Variants in INF2 observed in about 807,000 individuals in gnomAD.
INF2 encodes the protein inverted formin 2.
A neutral mutation model predicts 123.5 loss-of-function variants in INF2; 43 were observed. That is an observed-to-expected ratio of 0.35 (90% CI 0.27 to 0.45). The LOEUF (loss-of-function observed/expected upper bound fraction) is 0.45. Ranked by LOEUF, INF2 falls within the 20% of genes least tolerant of loss-of-function variation. INF2 has a pLI of 1.00. For missense variants in INF2, 1,453 were observed against 1,682.7 expected, an observed-to-expected ratio of 0.86 and a Z score of 2.39; for synonymous variants, 851 against 745.0, an observed-to-expected ratio of 1.14 and a Z score of -2.32.
chr14:104,692,004 A>C (rs1888975735), intron 1 of INF2, among the ~76,000 whole-genome samples: 1 of 152,166 alleles, frequency 6.6e-6, no homozygotes, highest in Admixed American at 6.5e-5. Context: ...CCTCTCTCAC[A>C]GCCCTTTCTA....
chr14:104,705,662 G>A (rs1889748418), intron 5 of INF2, among the ~76,000 whole-genome samples: 1 of 152,156 alleles, frequency 6.6e-6, no homozygotes, highest in South Asian at 2.1e-4. Context: ...CTGTAGTCAC[G>A]CAGCGCCCAG....
At chr14:104,689,863 G>A (rs1888851136) in intron 1 of INF2, 124 bp downstream of exon 1, 1 of 535,402 alleles carries the variant, frequency 1.9e-6, no homozygotes, top group African/African-American at 2.0e-5. Flanking sequence ...AGGTGGCGGC[G>A]GGCGGTCCGG....
chr14:104,707,640 C>G lies in INF2; in HGVS notation c.1373C>G (p.Pro458Arg). The change falls in exon 8 of 23, where the codon CCC becomes CGC. Residue 458 changes from proline (P) to arginine (R), a missense_variant. Coordinates refer to ENST00000392634, the MANE Select transcript of INF2 (RefSeq NM_022489.4). ...SVGAKALPTA[P>R]PPPPLPGLGA... is the part of the protein sequence containing the mutation. ...GGGGCTAAGGCCCTCCCAACAGCAC[C>G]CCCGCCCCCACCCCTGCCAGGCCTG... The G allele has an allele frequency of 1.0e-6, 1 of 967,464 alleles. No individual in the cohort carries two copies. The highest frequency in any genetic ancestry group is 1.5e-6 in the Non-Finnish European group (1 of 652,662). 59.9% of individuals were successfully genotyped at this position (967,464 alleles called of 1,614,324 possible).
upstream of INF2, among the ~76,000 whole-genome samples, chr14:104,686,195 G>T (rs1439799420): frequency 6.6e-6 from 1 of 151,390 alleles, no homozygotes; most frequent in Non-Finnish European, 1.5e-5. Context: ...AGGTGGGTAG[G>T]TGGATGGGTG....
chr14:104,697,180 G>C (rs1240081114), intron 1 of INF2, among the ~76,000 whole-genome samples: 1 of 152,234 alleles, frequency 6.6e-6, no homozygotes, highest in African/African-American at 2.4e-5. Context: ...ATGTCACAGC[G>C]GGGGCCTCCA....
Position 104,707,795 on chromosome 14 carries a change from A to G in INF2, c.1528A>G (p.Met510Val). The change falls in exon 8 of 23, where the codon ATG (methionine) becomes GTG (valine). Residue 510 changes from methionine to valine, a missense_variant. This residue lies in a region of INF2 where 374 missense variants were observed against 303.7 expected (regional missense o/e 1.23). Coordinates refer to ENST00000392634, the MANE Select transcript of INF2 (RefSeq NM_022489.4). ...CCCACCCCCACCCCTGCTGCCTGGT[A>G]TGGGCTGGGGCCCTCCTCCACCCCC... ...PPPPPPLLPG[M>V]GWGPPPPPPP... The G allele has an allele frequency of 7.5e-6, 6 of 795,400 alleles. No individual in the cohort carries two copies. Among genetic ancestry groups the G allele is most frequent in the Non-Finnish European group, 9.5e-6 (5 of 526,096 alleles). The allele number at this position is 795,400 out of a possible 1,614,324, so 49.3% of individuals were successfully genotyped here. A position where few individuals can be genotyped will look rare whatever the true frequency, so the allele number is the denominator to read the frequency against.
Position 104,703,419 on chromosome 14 carries a change from TGC to T in INF2, c.641_642del (p.Arg214HisfsTer38), listed in dbSNP as rs1186292917. The T allele has an allele frequency of 1.2e-6, 2 of 1,612,810 alleles. No homozygotes were observed. Among genetic ancestry groups the T allele is most frequent in the Non-Finnish European group, 1.7e-6 (2 of 1,179,926 alleles). ...GCCGTCATCTTGGGCCCCGAGGACC[TGC>T]GCGCGCGCACCCAGCTGCGGAACGA... On this transcript the variant is annotated frameshift_variant, in exon 4 of 23. Transcript: ENST00000392634. LOFTEE classifies it high-confidence loss of function.
rs143122420 is a variant in INF2, at chr14:104,698,954, C to A, written c.-9-2403C>A. On this transcript the variant is annotated intron_variant, in intron 1 of 22. Transcript: ENST00000392634. ...GCACCCAGGCACGGGGGTATAGGAA[C>A]CTGATGGGCAGGAGGGCCAGTTTCC... 6.5e-3 allele frequency among the ~76,000 whole-genome samples: 992 copies of A among 152,308 alleles called. 15 individuals are homozygous for A. The highest frequency in any genetic ancestry group is 0.023 in the African/African-American group (946 of 41,572).
At position 104,711,649 on chromosome 14, in the gene INF2, C is replaced by A; in HGVS notation, c.2439C>A (p.Pro813=). 1 of 1,612,490 alleles carries A rather than the reference C, an allele frequency of 6.2e-7. No homozygotes were observed. The highest frequency in any genetic ancestry group is 8.5e-7 in the Non-Finnish European group (1 of 1,179,712). ...HVLEEAEKSH[P]DLLQLPRDLE... ...TGCAGGAAGCGGAAAAGAGCCACCCCGACCTCCTGCAGCTGCCCCGGGACC... is the reference window on the plus strand; with the variant it reads ...TGCAGGAAGCGGAAAAGAGCCACCCAGACCTCCTGCAGCTGCCCCGGGACC... The change falls in exon 16 of 23, where the codon CCC becomes CCA. Residue 813 remains proline, a synonymous_variant. Coordinates refer to ENST00000392634, the MANE Select transcript of INF2 (RefSeq NM_022489.4).
At chr14:104,697,641 G>T (rs1220795293) in intron 1 of INF2, among the ~76,000 whole-genome samples, 2 of 152,240 alleles carry the variant, frequency 1.3e-5, no homozygotes. Flanking sequence ...GGATGGAGGT[G>T]CTGGCATCAC....
chr14:104,714,999 A>G (rs1890228133), intron 21 of INF2, 143 bp downstream of exon 21: 2 of 930,558 alleles, frequency 2.1e-6, no homozygotes, highest in Non-Finnish European at 3.1e-6. Flanking sequence ...AGGAGGCGGC[A>G]GTGCGTCCAC....
intron 1 of INF2, among the ~76,000 whole-genome samples, chr14:104,683,037 C>T (rs78865635): frequency 0.016 from 2,181 of 136,826 alleles, 63 homozygotes; most frequent in African/African-American, 0.059. Context: ...AAGCGGTCCA[C>T]CCTCCCGAGC....
Position 104,707,401 on chromosome 14 carries a change from C to A in INF2, c.1134C>A (p.Thr378=). The A allele has an allele frequency of 6.3e-7, 1 of 1,587,766 alleles. No homozygotes were observed. Among genetic ancestry groups the A allele is most frequent in the Non-Finnish European group, 8.6e-7 (1 of 1,168,566 alleles). The change falls in exon 8 of 23, where the codon ACC becomes ACA. Residue 378 remains threonine, a synonymous_variant. Transcript: ENST00000392634. ...GCAGCTCCCCGCAAAACACTACAAC[C>A]CCCAAGCCCAGCGTGGAGGGCCAGC... is the stretch of plus-strand genomic sequence containing the variant. ...QRGSSPQNTT[T]PKPSVEGQQP...
intron 8 of INF2, 124 bp from the exon 9 acceptor site, chr14:104,708,312 C>A: frequency 7.8e-7 from 1 of 1,278,628 alleles, no homozygotes; most frequent in Non-Finnish European, 1.1e-6. Flanking sequence ...GTACGCTGGA[C>A]CTGGACCTAC....
In INF2 at chr14:104,712,941, C is replaced by G. The variant is rs545624653; in HGVS notation, c.2724C>G (p.Asp908Glu). 27 of 1,612,708 alleles carry G rather than the reference C, an allele frequency of 1.7e-5. No individual in the cohort carries two copies. In the South Asian group the frequency reaches 2.9e-4, roughly 17 times the overall value. ...ACGCCCAGCAGCTGTCCCTGGAGGA[C>G]ACGTTCAGCACCATGAAGGCTTTCC... ...CEDAQQLSLE[D>E]TFSTMKAFRD... The change falls in exon 18 of 23, where the codon GAC becomes GAG. Residue 908 changes from aspartate to glutamate, a missense_variant. Asp to Glu is a conservative substitution (Grantham distance 45). Coordinates refer to ENST00000392634, the MANE Select transcript of INF2 (RefSeq NM_022489.4).
intron 22 of INF2, among the ~76,000 whole-genome samples, chr14:104,718,519 C>A (rs988626998): frequency 6.6e-6 from 1 of 152,068 alleles, no homozygotes; most frequent in African/African-American, 2.4e-5. Flanking sequence ...GGGGACAGGC[C>A]ACAGAGATTC....
rs768103144 is a variant in INF2 at position 104,701,352 on chromosome 14, T to G, written c.-9-5T>G. 1.9e-6 allele frequency: 3 copies of G among 1,568,932 alleles called. No individual in the cohort carries two copies. In the East Asian group the frequency reaches 7.1e-5, roughly 37 times the overall value. On this transcript the variant is annotated splice_polypyrimidine_tract_variant and splice_region_variant and intron_variant, in intron 1 of 22. Coordinates refer to ENST00000392634, the MANE Select transcript of INF2 (RefSeq NM_022489.4). Reference sequence around the variant, plus strand: ...CGCTGACGGCTCCCTGCCCTCTGCCTGCAGCTCGGCAAGATGTCGGTGAAG... The same window carrying G: ...CGCTGACGGCTCCCTGCCCTCTGCCGGCAGCTCGGCAAGATGTCGGTGAAG...
chr14:104,700,613 T>G (rs534621301), intron 1 of INF2, among the ~76,000 whole-genome samples: 1 of 152,232 alleles, frequency 6.6e-6, no homozygotes, highest in South Asian at 2.1e-4. Context: ...CTGTTCTGTT[T>G]TGGGGAAAGG....
chr14:104,681,431 A>G (rs1317448852), exon 1 of INF2: 1 of 550,858 alleles, frequency 1.8e-6, no homozygotes, highest in East Asian at 6.7e-5. Context: ...TCTGGCTCTC[A>G]GAGCTGGGGC....
Sources: gnomAD v4.1 joint callset for allele counts (sites outside exome capture counted in the v4.1 genomes callset) on GRCh38, gnomAD v4.1.1 for gene constraint, gnomAD v4.1.1 regional missense constraint, MANE v1.5 for transcripts, NCBI Gene and HGNC (gene_info 2026-07-23, HGNC 2026-07-21) for gene names.